Variants in DNASE1 observed in about 807,000 individuals in gnomAD.
DNASE1 encodes the protein deoxyribonuclease 1.
Under a neutral mutation model 33.9 loss-of-function variants are expected in DNASE1, and 40 were observed. The ratio of observed to expected loss-of-function variants is 1.18; its 90% confidence interval spans 0.92 to 1.54. DNASE1 has a LOEUF of 1.54. DNASE1 is among the 40% of genes most tolerant of loss of function. The pLI is 0.00. For synonymous variants in DNASE1, 216 were observed against 160.0 expected (o/e 1.35, Z -2.64); for missense variants, 518 against 372.6 (o/e 1.39, Z -3.21).
chr16:3,622,228 AAAAAC>A (rs1405238762), intron 1 of DNASE1, among the ~76,000 whole-genome samples: 1 of 151,976 alleles, frequency 6.6e-6, no homozygotes, highest in Admixed American at 6.6e-5. Flanking sequence ...AAAAAAAAAA[AAAAAC>A]GGAGGCTGAA....
intron 1 of DNASE1, among the ~76,000 whole-genome samples, chr16:3,635,134 C>G (rs1354856984): frequency 4.6e-5 from 7 of 152,088 alleles, no homozygotes; most frequent in African/African-American, 1.7e-4. Context: ...CTGTTATTAC[C>G]TTGAACAAAC....
At chr16:3,664,146 C>G in exon 10 of DNASE1, 1 of 1,016,802 alleles carries the variant, frequency 9.8e-7, no homozygotes, top group South Asian at 2.0e-5. Flanking sequence ...CCTCTGTGCC[C>G]GTGACCCTGA....
chr16:3,655,595 T>C (rs1299192732), intron 2 of DNASE1, 75 bp downstream of exon 2: 8 of 1,603,226 alleles, frequency 5.0e-6, no homozygotes, highest in Non-Finnish European at 6.8e-6. Context: ...GCCAGCCCTA[T>C]GGAGCCACAG....
chr16:3,624,623 C>T (rs142565297), intron 1 of DNASE1, among the ~76,000 whole-genome samples: 1 of 152,310 alleles, frequency 6.6e-6, no homozygotes, highest in Non-Finnish European at 1.5e-5. Context: ...CAAAGCCATT[C>T]CCAGTGGTGG....
rs113494369 is a variant in DNASE1, at chr16:3,622,392, C to T, written c.-1359+10386C>T. Reference sequence around the variant, plus strand: ...CTTTACATTTCTTTCATTGAGGAAACGAGTATTTTCTTCACGTGATTAAAA... The same window carrying T: ...CTTTACATTTCTTTCATTGAGGAAATGAGTATTTTCTTCACGTGATTAAAA... On this transcript the variant is annotated intron_variant and NMD_transcript_variant, in intron 1 of 11. Transcript: ENST00000570769. 2.2e-4 allele frequency among the ~76,000 whole-genome samples: 34 copies of T among 152,134 alleles called. 1 individual carries two copies. Among genetic ancestry groups the T allele is most frequent in the East Asian group, 1.5e-3 (8 of 5,180 alleles).
chr16:3,617,661 T>C (rs1235307240), intron 1 of DNASE1, among the ~76,000 whole-genome samples: 1 of 152,106 alleles, frequency 6.6e-6, no homozygotes, highest in Non-Finnish European at 1.5e-5. Flanking sequence ...TGGAGGCCCT[T>C]GTGGCCATGT....
chr16:3,662,040 C>T, downstream of DNASE1: 1 of 1,613,372 alleles, frequency 6.2e-7, no homozygotes, highest in Non-Finnish European at 8.5e-7. Context: ...CCTCCTGGGT[C>T]TTGGCCAGCT....
intron 4 of DNASE1, among the ~76,000 whole-genome samples, chr16:3,656,391 C>CT (rs2042625493): frequency 7.2e-6 from 1 of 139,736 alleles, no homozygotes; most frequent in African/African-American, 2.7e-5. Context: ...CGCCTGGGTC[C>CT]CGGACCAATG....
downstream of DNASE1, chr16:3,658,281 ATT>A (rs35081909): frequency 0.01 from 12,329 of 1,186,812 alleles, no homozygotes; most frequent in East Asian, 0.014. Context: ...GCACCTTTTC[ATT>A]TTTTTTTTTT....
chr16:3,657,804 G>C lies in DNASE1; in HGVS notation c.789G>C (p.Leu263=), dbSNP rs1241214271. The stretch of plus-strand genomic sequence containing the variant: ...TTAACTTCCAGGCTGCCTATGGCCT[G>C]AGTGACCAACTGGTATGTGTCCTCC... ...LPFNFQAAYG[L]SDQLAQAISD... Residue 263 remains leucine, a synonymous_variant, in exon 8 of 9, where the codon CTG becomes CTC. Transcript: ENST00000246949. 6.2e-7 allele frequency: 1 copy of C among 1,613,738 alleles called. No homozygotes were observed. The highest frequency in any genetic ancestry group is 2.2e-5 in the East Asian group (1 of 44,902).
In DNASE1 at chr16:3,664,332, T is replaced by C. The variant is rs558641765; in HGVS notation, c.*6379T>C. 29 of 1,609,860 alleles carry C rather than the reference T, an allele frequency of 1.8e-5. No homozygotes were observed. In the South Asian group the frequency reaches 2.3e-4, roughly 13 times the overall value. ...GGGTGAGTGCTCTGCCAGGTGACGG[T>C]TGGGGGCGCACAGGTAGTAGATGTT... is the stretch of plus-strand genomic sequence containing the variant. On this transcript the variant is annotated 3_prime_UTR_variant, in exon 10 of 10. Coordinates refer to the DNASE1 transcript ENST00000407479.
rs367688163 is a variant in DNASE1 at position 3,664,264 on chromosome 16, G to A, written c.*6311G>A. 184 of 1,467,664 alleles carry A rather than the reference G, an allele frequency of 1.3e-4. No homozygotes were observed. Among genetic ancestry groups the A allele is most frequent in the Middle Eastern group, 1.9e-4 (1 of 5,296 alleles). 90.9% of individuals were successfully genotyped at this position (1,467,664 alleles called of 1,614,324 possible). A position where few individuals can be genotyped will look rare whatever the true frequency, so the allele number is the denominator to read the frequency against. On this transcript the variant is annotated 3_prime_UTR_variant, in exon 10 of 10. Coordinates refer to the DNASE1 transcript ENST00000407479. ...GCCCCCGGAGCCCGCCCCACCCACC[G>A]CTCACCCACCTCTGTGTCTTTCTTC...
At chr16:3,653,833 AAAAAAAAACTG>A, upstream of DNASE1, 1 of 147,900 alleles carries the variant, frequency 6.8e-6, no homozygotes. Context: ...AAAAAAAAAA[AAAAAAAAACTG>A]AGCATGGTAG....
chr16:3,657,084 G>A lies in DNASE1; in HGVS notation c.522G>A (p.Leu174=), dbSNP rs969348584. Residue 174 remains leucine (L), a synonymous_variant, in exon 6 of 9, where the codon CTG becomes CTA. Transcript: ENST00000246949. ...AEIDALYDVY[L]DVQEKWGLED... ...TCGACGCTCTCTATGACGTCTACCTGGATGTCCAAGAGAAATGGGGCTTGG... is the reference window on the plus strand; with the variant it reads ...TCGACGCTCTCTATGACGTCTACCTAGATGTCCAAGAGAAATGGGGCTTGG... 1 of 1,614,002 alleles carries A rather than the reference G, an allele frequency of 6.2e-7. No individual in the cohort carries two copies. Among genetic ancestry groups the A allele is most frequent in the Non-Finnish European group, 8.5e-7 (1 of 1,180,028 alleles).
rs576552971 is a variant in DNASE1, at chr16:3,621,540, CAAATAT to C, written c.-1359+9542_-1359+9547del. Among the ~76,000 whole-genome samples the C allele has an allele frequency of 2.5e-3, 384 of 152,280 alleles. 1 individual carries two copies. The highest frequency in any genetic ancestry group is 4.4e-3 in the Non-Finnish European group (302 of 68,020). ...TATTCCAGATAATTCTGTGCACATA[CAAATAT>C]AAATATATATCCCTGCTTTTCCCCA... is the stretch of plus-strand genomic sequence containing the variant. On this transcript the variant is annotated intron_variant and NMD_transcript_variant, in intron 1 of 11. Transcript: ENST00000570769.
At chr16:3,619,865 C>T (rs879714753) in intron 1 of DNASE1, among the ~76,000 whole-genome samples, 12 of 151,374 alleles carry the variant, frequency 7.9e-5, no homozygotes, top group African/African-American at 9.7e-5. Flanking sequence ...AATATTTCAT[C>T]GAGTCAGCAG....
At chr16:3,662,192 G>A, downstream of DNASE1, 11 of 1,568,136 alleles carry the variant, frequency 7.0e-6, no homozygotes, top group Admixed American at 3.5e-5. Context: ...GGGCTGGCAG[G>A]ATCTTACCAG....
chr16:3,663,977 G>A, exon 10 of DNASE1: 1 of 360,750 alleles, frequency 2.8e-6, no homozygotes. Context: ...GCAGGAGAAT[G>A]ACCTGAACCC....
At chr16:3,648,486 C>G (rs1158156844) in intron 1 of DNASE1, among the ~76,000 whole-genome samples, 1 of 152,086 alleles carries the variant, frequency 6.6e-6, no homozygotes, top group Non-Finnish European at 1.5e-5. Flanking sequence ...GGCATGAACC[C>G]CAGAGGTGAA....
Sources: allele counts gnomAD v4.1 joint callset (sites outside exome capture counted in the v4.1 genomes callset), GRCh38; gene constraint gnomAD v4.1.1; transcripts MANE v1.5; gene names NCBI Gene and HGNC (gene_info 2026-07-23, HGNC 2026-07-21).